The following COPA variants were observed in gnomAD, a reference collection of about 807,000 sequenced individuals.
COPA encodes coatomer subunit alpha.
Under a neutral mutation model 158.7 loss-of-function variants are expected in COPA, and 10 were observed. The observed-to-expected ratio is 0.06, with a 90% confidence interval of 0.04 to 0.11. The LOEUF (loss-of-function observed/expected upper bound fraction) is 0.11. COPA is among the 10% of genes least tolerant of loss of function. The pLI is 1.00. For synonymous variants in COPA, 462 were observed against 542.8 expected (o/e 0.85, Z 2.07); for missense variants, 1,065 against 1,536.7 (o/e 0.69, Z 5.13).
At chr1:160,334,710 G>T (rs867044727) in intron 4 of COPA, among the ~76,000 whole-genome samples, 2 of 152,288 alleles carry the variant, frequency 1.3e-5, no homozygotes, top group African/African-American at 4.8e-5. Flanking sequence ...GGATTCAGAG[G>T]TTGGGAGTCT....
At chr1:160,293,489 TTGAG>T (rs1336051608) in intron 25 of COPA, 26 bp from the exon 26 acceptor site, 1 of 1,535,432 alleles carries the variant, frequency 6.5e-7, no homozygotes, top group Non-Finnish European at 8.7e-7. Context: ...AAATTGAGTA[TTGAG>T]TAATTTTTTT....
At position 160,305,607 on chromosome 1, in the gene COPA, T is replaced by C. The variant is rs566671720; in HGVS notation, c.1529-36A>G. 229 of 1,614,122 alleles carry C rather than the reference T, an allele frequency of 1.4e-4. 6 individuals carry two copies. The South Asian group carries it at 2.4e-3, about 17-fold the overall frequency. On this transcript the variant is annotated intron_variant, in intron 16 of 32. Coordinates refer to ENST00000241704, the MANE Select transcript of COPA (RefSeq NM_004371.4). ...CAAAGGGCATGAGTGTTCTGTTGGA[T>C]AGGGTAAGTGCCGTAGACTGGCAGG... is the stretch of plus-strand genomic sequence containing the variant.
chr1:160,296,131 G>A lies in COPA; in HGVS notation c.2282C>T (p.Thr761Ile). ...NCGQKSLAYL[T>I]AATHGLDEEA... ...TTCATCTAAGCCATGGGTAGCAGCT[G>A]TGAGATAGGCCAGGGACTCTGTAGA... The change falls in exon 22 of 33, where the codon ACA (threonine) becomes ATA (isoleucine). Residue 761 changes from threonine (T) to isoleucine (I), a missense_variant. Physicochemically the swap from Thr to Ile is moderately conservative, Grantham distance 89. This residue lies in a region of COPA where 980 missense variants were observed against 1,357.8 expected (regional missense o/e 0.72). Transcript: ENST00000241704. 2 of 1,614,188 alleles carry A rather than the reference G, an allele frequency of 1.2e-6. No individual in the cohort carries two copies. Among genetic ancestry groups the A allele is most frequent in the Non-Finnish European group, 1.7e-6 (2 of 1,180,008 alleles).
intron 8 of COPA, among the ~76,000 whole-genome samples, chr1:160,320,446 C>A (rs1281372066): frequency 6.6e-6 from 1 of 151,334 alleles, no homozygotes; most frequent in East Asian, 1.9e-4. Context: ...CCTGTCTCTA[C>A]TAAAAACATA....
Position 160,343,238 on chromosome 1 carries a change from C to A in COPA, c.-68G>T, listed in dbSNP as rs200269617. The A allele has an allele frequency of 9.4e-6, 15 of 1,603,798 alleles. No individual in the cohort carries two copies. Among genetic ancestry groups the A allele is most frequent in the African/African-American group, 5.3e-5 (4 of 74,848 alleles). Reference sequence around the variant, plus strand: ...ACACCCTGCTGCCCTTCGGACGCCTCCACGTCAGCGACCCTCTCCCGCGGT... The same window carrying A: ...ACACCCTGCTGCCCTTCGGACGCCTACACGTCAGCGACCCTCTCCCGCGGT... On this transcript the variant is annotated 5_prime_UTR_variant, in exon 1 of 33. Transcript: ENST00000241704.
intron 6 of COPA, among the ~76,000 whole-genome samples, chr1:160,327,316 CACCGCAGG>C (rs1431579840): frequency 1.3e-5 from 2 of 151,968 alleles, no homozygotes; most frequent in Non-Finnish European, 2.9e-5. Context: ...ACAGGTGAAC[CACCGCAGG>C]TCAGGAGTTT....
chr1:160,317,128 C>T (rs1659174816), intron 8 of COPA, among the ~76,000 whole-genome samples: 1 of 152,116 alleles, frequency 6.6e-6, no homozygotes. Context: ...GAATACTGTA[C>T]CCAGCAAGAT....
At chr1:160,320,608 CAAAAAAAAAAAA>C (rs56849348) in intron 8 of COPA, among the ~76,000 whole-genome samples, 4 of 15,502 alleles carry the variant, frequency 2.6e-4, no homozygotes, top group Non-Finnish European at 2.1e-4. Context: ...GACTCCAACT[CAAAAAAAAAAAA>C]AAAAAAAAAA....
At chr1:160,292,460 A>G in intron 28 of COPA, 24 bp downstream of exon 28, 2 of 1,612,998 alleles carry the variant, frequency 1.2e-6, no homozygotes, top group Non-Finnish European at 1.7e-6. Context: ...GGAACAGATG[A>G]AAGCAAAGAG....
intron 1 of COPA, among the ~76,000 whole-genome samples, chr1:160,342,104 G>A (rs1287941628): frequency 1.3e-5 from 2 of 152,050 alleles, no homozygotes; most frequent in Non-Finnish European, 2.9e-5. Context: ...TACACCAGGC[G>A]CTGTAATAAA....
Position 160,335,275 on chromosome 1 carries a change from G to T in COPA, c.276C>A (p.His92Gln). The change falls in exon 4 of 33, where the codon CAC becomes CAA. Residue 92 changes from histidine (H) to glutamine (Q), a missense_variant. By Grantham distance (24) the His-to-Gln change is conservative. Transcript: ENST00000241704. Reference sequence around the variant, plus strand: ...AAAACGTGGTGCGAATATAATCTAAGTGCCCAAGCAATGTGAAAAGACAGC... The same window carrying T: ...AAAACGTGGTGCGAATATAATCTAATTGCCCAAGCAATGTGAAAAGACAGC... ...LRRCLFTLLG[H>Q]LDYIRTTFFH... 6.2e-7 allele frequency: 1 copy of T among 1,612,108 alleles called. No homozygotes were observed. Among genetic ancestry groups the T allele is most frequent in the East Asian group, 2.2e-5 (1 of 44,794 alleles).
At chr1:160,308,710 A>G (rs530135074) in intron 13 of COPA, among the ~76,000 whole-genome samples, 2 of 152,112 alleles carry the variant, frequency 1.3e-5, no homozygotes, top group Non-Finnish European at 2.9e-5. Flanking sequence ...AGCAAATCGG[A>G]TCTGGATGTG....
chr1:160,293,263 A>T, intron 26 of COPA, 29 bp from the exon 27 acceptor site: 1 of 1,613,980 alleles, frequency 6.2e-7, no homozygotes, highest in Middle Eastern at 1.6e-4. Context: ...ACCCAAGCCA[A>T]GTGAAACTTT....
rs1315854782 is a variant in COPA, at chr1:160,307,250, G to A, written c.1220-5C>T. The A allele has an allele frequency of 3.1e-6, 5 of 1,614,118 alleles. No individual in the cohort carries two copies. Among genetic ancestry groups the A allele is most frequent in the Non-Finnish European group, 4.2e-6 (5 of 1,179,948 alleles). On this transcript the variant is annotated splice_region_variant and splice_polypyrimidine_tract_variant and intron_variant, in intron 13 of 32. Transcript: ENST00000241704. ...AGGATCGTTTCCCTTCAGGCGCTGA[G>A]AAGAACAAAACCAAAGGGTGGGAGC...
intron 11 of COPA, among the ~76,000 whole-genome samples, chr1:160,311,503 A>G (rs1019976902): frequency 6.6e-6 from 1 of 152,086 alleles, no homozygotes; most frequent in Non-Finnish European, 1.5e-5. Flanking sequence ...TAATCCCAGC[A>G]CTTTGGGAGG....
chr1:160,299,815 C>A (rs1015853850), intron 17 of COPA, among the ~76,000 whole-genome samples: 4 of 151,358 alleles, frequency 2.6e-5, no homozygotes, highest in African/African-American at 9.7e-5. Context: ...GCAGTCATCT[C>A]AAAAAATTTA....
rs201542386 is a variant in COPA, at chr1:160,343,230, G to T, written c.-60C>A. 1 of 1,608,214 alleles carries T rather than the reference G, an allele frequency of 6.2e-7. No homozygotes were observed. Among genetic ancestry groups the T allele is most frequent in the Non-Finnish European group, 8.5e-7 (1 of 1,174,736 alleles). ...GCCCCGACACACCCTGCTGCCCTTC[G>T]GACGCCTCCACGTCAGCGACCCTCT... On this transcript the variant is annotated 5_prime_UTR_variant, in exon 1 of 33. Coordinates refer to ENST00000241704, the MANE Select transcript of COPA (RefSeq NM_004371.4).
Position 160,291,881 on chromosome 1 carries a change from C to T in COPA, c.3196G>A (p.Val1066Met), listed in dbSNP as rs767991810. The change falls in exon 30 of 33, where the codon GTG (valine) becomes ATG (methionine). Residue 1066 changes from valine (V) to methionine (M), a missense_variant. Physicochemically the swap from Val to Met is conservative, Grantham distance 21 (BLOSUM62 1). Around this residue, in one of 2 missense-constraint regions of COPA, gnomAD observed 980 missense variants for 1,357.8 expected, o/e 0.72. Transcript: ENST00000241704. ...GGCAGCTTCTTCCTTTCTGTCTCCA[C>T]GGACAAACCCACAATGTACTCACGG... ...ICREYIVGLS[V>M]ETERKKLPKE... The T allele has an allele frequency of 1.4e-5, 23 of 1,614,046 alleles. No individual in the cohort carries two copies. In the East Asian group the frequency reaches 1.6e-4, roughly 11 times the overall value.
At chr1:160,313,193 A>G (rs1365797447) in intron 9 of COPA, 26 bp from the exon 10 acceptor site, 1 of 1,599,344 alleles carries the variant, frequency 6.3e-7, no homozygotes. Flanking sequence ...AAAAAGAAAA[A>G]CATTAATTTC....
Sources: gnomAD v4.1 joint callset for allele counts (sites outside exome capture counted in the v4.1 genomes callset) on GRCh38, gnomAD v4.1.1 for gene constraint, gnomAD v4.1.1 regional missense constraint, MANE v1.5 for transcripts, NCBI Gene and HGNC (gene_info 2026-07-23, HGNC 2026-07-21) for gene names.